Variants in PCDHGA1 observed in about 807,000 individuals in gnomAD.
PCDHGA1 encodes the protein protocadherin gamma subfamily A, 1.
A neutral mutation model predicts 58.0 loss-of-function variants in PCDHGA1; 32 were observed. The observed-to-expected ratio is 0.55, with a 90% CI of 0.42 to 0.74. The LOEUF (loss-of-function observed/expected upper bound fraction) is 0.74. Among genes scored for constraint, PCDHGA1 ranks in the 30% least tolerant of loss-of-function variants. PCDHGA1 has a pLI of 0.00. For synonymous variants in PCDHGA1, 498 were observed against 501.1 expected, an observed-to-expected ratio of 0.99 and a Z score of 0.08; for missense variants, 1,205 against 1,182.3, an observed-to-expected ratio of 1.02 and a Z score of -0.28.
At chr5:141,340,295 G>T (rs751254595) in intron 1 of PCDHGA1, 1 of 1,614,132 alleles carries the variant, frequency 6.2e-7, no homozygotes, top group Non-Finnish European at 8.5e-7. Flanking sequence ...TTTGCTCCAG[G>T]TGGCAGACAT....
chr5:141,337,487 C>A (rs1303648180), intron 1 of PCDHGA1, among the ~76,000 whole-genome samples: 1 of 152,166 alleles, frequency 6.6e-6, no homozygotes, highest in Non-Finnish European at 1.5e-5. Flanking sequence ...GGACGAACTT[C>A]AAAGACATGA....
intron 1 of PCDHGA1, chr5:141,384,572 A>G: frequency 6.2e-7 from 1 of 1,613,908 alleles, no homozygotes; most frequent in Non-Finnish European, 8.5e-7. Context: ...CAGAATGACA[A>G]CCCGCCCGAG....
chr5:141,372,607 G>A, intron 1 of PCDHGA1: 1 of 1,614,000 alleles, frequency 6.2e-7, no homozygotes, highest in South Asian at 1.1e-5. Context: ...ACTGTACCTG[G>A]AGTTCTCCCC....
intron 1 of PCDHGA1, chr5:141,404,461 C>T: frequency 1.2e-6 from 2 of 1,613,208 alleles, no homozygotes; most frequent in Non-Finnish European, 1.7e-6. Flanking sequence ...CTCTCTCCAC[C>T]TATGTCTCTA....
intron 1 of PCDHGA1, among the ~76,000 whole-genome samples, chr5:141,401,572 C>T (rs1013014550): frequency 3.3e-5 from 5 of 152,268 alleles, no homozygotes; most frequent in Middle Eastern, 3.4e-3. Flanking sequence ...TTCTCTTGCT[C>T]GGAATCCTGA....
chr5:141,413,690 A>T lies in PCDHGA1; in HGVS notation c.2421+80585A>T, dbSNP rs553462819. On this transcript the variant is annotated intron_variant, in intron 1 of 3. Transcript: ENST00000517417. ...CCGGATGTGGGCGTGAACTCCCTGC[A>T]GAGCTATCAGCTCAGCCCCAATAAG... 9.9e-6 allele frequency: 16 copies of T among 1,613,702 alleles called. No individual in the cohort carries two copies. The East Asian group carries it at 2.9e-4, about 29-fold the overall frequency.
chr5:141,456,641 G>A (rs2098873674), intron 1 of PCDHGA1, among the ~76,000 whole-genome samples: 1 of 152,160 alleles, frequency 6.6e-6, no homozygotes, highest in South Asian at 2.1e-4. Context: ...TACTACAGGT[G>A]TTAATCCCAA....
chr5:141,497,122 G>A (rs1407489807), intron 2 of PCDHGA1, among the ~76,000 whole-genome samples: 1 of 151,992 alleles, frequency 6.6e-6, no homozygotes, highest in East Asian at 1.9e-4. Flanking sequence ...GAAGGCAGAG[G>A]TTGCAGTGAG....
chr5:141,421,092 C>T, intron 1 of PCDHGA1: 1 of 663,988 alleles, frequency 1.5e-6, no homozygotes, highest in Non-Finnish European at 2.5e-6. Flanking sequence ...CAGATCCTGA[C>T]ACTGGAGACT....
chr5:141,460,172 G>T (rs545017378), intron 1 of PCDHGA1, among the ~76,000 whole-genome samples: 1 of 151,852 alleles, frequency 6.6e-6, no homozygotes, highest in South Asian at 2.1e-4. Flanking sequence ...ATATTTTGTG[G>T]ATATTTTATC....
chr5:141,354,933 T>A, intron 1 of PCDHGA1: 1 of 419,786 alleles, frequency 2.4e-6, no homozygotes, highest in East Asian at 3.5e-5. Flanking sequence ...AAACTTTTTT[T>A]AACCAAGAAT....
At chr5:141,360,777 T>G (rs555307283) in intron 1 of PCDHGA1, 1 of 1,613,966 alleles carries the variant, frequency 6.2e-7, no homozygotes, top group South Asian at 1.1e-5. Context: ...TCCTCACAGC[T>G]GTGGATGGCG....
At chr5:141,451,925 G>A (rs1391178313) in intron 1 of PCDHGA1, among the ~76,000 whole-genome samples, 2 of 152,012 alleles carry the variant, frequency 1.3e-5, no homozygotes, top group East Asian at 3.8e-4. Context: ...AGGAAGGGAG[G>A]TAGGGAGGCA....
At position 141,485,275 on chromosome 5, in the gene PCDHGA1, G is replaced by A. The variant is rs77402299; in HGVS notation, c.2422-9532G>A. The A allele has an allele frequency of 8.7e-6, 14 of 1,613,954 alleles. No homozygotes were observed. In the African/African-American group the frequency reaches 1.1e-4, roughly 12 times the overall value. ...ACGTTTGTGGGCAGATCCGCTACCC[G>A]GTCCCAGAGGAGTCACAGGAAGGGA... On this transcript the variant is annotated intron_variant, in intron 1 of 3. Transcript: ENST00000517417. The surrounding 1 kb of genome is among the most constrained non-coding windows in gnomAD (Gnocchi z 5.7).
intron 1 of PCDHGA1, chr5:141,389,310 G>A: frequency 6.2e-7 from 1 of 1,614,018 alleles, no homozygotes; most frequent in Non-Finnish European, 8.5e-7. Context: ...CAGGGCTTCT[G>A]ATCCGGACTT....
chr5:141,478,920 C>T lies in PCDHGA1; in HGVS notation c.2422-15887C>T, dbSNP rs559060283. On this transcript the variant is annotated intron_variant, in intron 1 of 3. Transcript: ENST00000517417. Reference sequence around the variant, plus strand: ...GGAATAAGCTGCTGGATACCTCTAACCAGTGGCAGCTTCTAGGAATACAAA... The same window carrying T: ...GGAATAAGCTGCTGGATACCTCTAATCAGTGGCAGCTTCTAGGAATACAAA... 608 of 728,392 alleles carry T rather than the reference C, an allele frequency of 8.3e-4. 2 individuals are homozygous for T. The highest frequency in any genetic ancestry group is 1.2e-3 in the South Asian group (55 of 44,196). 45.1% of individuals were successfully genotyped at this position (728,392 alleles called of 1,614,324 possible).
At chr5:141,415,397 G>T (rs1168654728) in intron 1 of PCDHGA1, 1 of 1,614,124 alleles carries the variant, frequency 6.2e-7, no homozygotes, top group African/African-American at 1.3e-5. Context: ...GGTGTGTCCG[G>T]CTCGCACTTT....
intron 1 of PCDHGA1, among the ~76,000 whole-genome samples, chr5:141,469,449 C>A (rs1017174114): frequency 2.0e-5 from 3 of 151,846 alleles, no homozygotes; most frequent in African/African-American, 7.3e-5. Context: ...GTGGTGCACA[C>A]CTGTAGTCTC....
intron 1 of PCDHGA1, chr5:141,366,640 T>C (rs965483539): frequency 6.2e-7 from 1 of 1,614,186 alleles, no homozygotes; most frequent in Non-Finnish European, 8.5e-7. Context: ...ACCTGATCTT[T>C]CCCCAGCCCA....
Sources: allele counts gnomAD v4.1 joint callset (sites outside exome capture counted in the v4.1 genomes callset), GRCh38; gene constraint gnomAD v4.1.1; non-coding constraint Gnocchi (gnomAD v3.1); transcripts MANE v1.5; gene names NCBI Gene and HGNC (gene_info 2026-07-23, HGNC 2026-07-21).